CCDC74B: variants seen among roughly 807,000 people sequenced by gnomAD.
CCDC74B encodes coiled-coil domain containing 74B.
In CCDC74B, 34 loss-of-function variants were observed where a neutral mutation model predicts 38.0. That is an observed-to-expected ratio of 0.89 (90% CI 0.68 to 1.19). CCDC74B has a LOEUF of 1.19. CCDC74B is among the 50% of genes most tolerant of loss of function. The probability of loss-of-function intolerance (pLI) is 0.00; values close to 1 mark genes in which losing one functional copy is unlikely to be tolerated. For missense variants in CCDC74B, 358 were observed against 406.0 expected, an observed-to-expected ratio of 0.88 and a Z score of 1.02; for synonymous variants, 132 against 170.4, an observed-to-expected ratio of 0.77 and a Z score of 1.76.
Position 130,140,361 on chromosome 2 carries a change from C to T in CCDC74B, c.496G>A (p.Ala166Thr), listed in dbSNP as rs372914463. The change falls in exon 5 of 8, where the codon GCA becomes ACA. Residue 166 changes from alanine to threonine, a missense_variant. Coordinates refer to ENST00000409943, the MANE Select transcript of CCDC74B (RefSeq NM_001258307.2). Reference sequence around the variant, plus strand: ...GCAGCTCCTGCGTTAGAGGCCTCTGCTTTCTCCTTTCTGAAACAGTCATTG... The same window carrying T: ...GCAGCTCCTGCGTTAGAGGCCTCTGTTTTCTCCTTTCTGAAACAGTCATTG... ...GVQGQARKEK[A>T]EASNAGAACM... The T allele has an allele frequency of 1.3e-6, 2 of 1,576,104 alleles. No individual in the cohort carries two copies. Among genetic ancestry groups the T allele is most frequent in the East Asian group, 2.2e-5 (1 of 44,662 alleles).
At position 130,139,502 on chromosome 2, in the gene CCDC74B, G is replaced by C; in HGVS notation, c.*53C>G. 1 of 1,602,056 alleles carries C rather than the reference G, an allele frequency of 6.2e-7. No homozygotes were observed. The highest frequency in any genetic ancestry group is 8.5e-7 in the Non-Finnish European group (1 of 1,173,206). ...GAAGTGTCAGGAAATGCTATAGAGA[G>C]CCAATCTCCAGCTGCAGGTTGGTGG... On this transcript the variant is annotated 3_prime_UTR_variant, in exon 8 of 8. Transcript: ENST00000409943.
chr2:130,142,021 C>G (rs1172439539), intron 3 of CCDC74B, 112 bp downstream of exon 3: 24 of 1,380,674 alleles, frequency 1.7e-5, no homozygotes, highest in Non-Finnish European at 2.1e-5. Flanking sequence ...ATCCCCAAAT[C>G]CTGGAGCTTG....
rs144340913 is a variant in CCDC74B at position 130,141,191 on chromosome 2, A to G, written c.452T>C (p.Leu151Pro). Reference protein sequence around the residue: ...EEEPLLHNSKLDKVPGVQGQA... With the variant: ...EEEPLLHNSKPDKVPGVQGQA... ...CCCTTGTACCCCAGGAACCTTGTCC[A>G]GCTTGCTGTTGTGAAGTAGGGGCTC... The change falls in exon 4 of 8, where the codon CTG (leucine) becomes CCG (proline). Residue 151 changes from leucine to proline, a missense_variant. Leu to Pro is a moderately conservative substitution (Grantham distance 98, BLOSUM62 -3). Around this residue, in one of 3 missense-constraint regions of CCDC74B, gnomAD observed 213 missense variants for 212.3 expected, o/e 1.00. Coordinates refer to ENST00000409943, the MANE Select transcript of CCDC74B (RefSeq NM_001258307.2). 89 of 1,613,004 alleles carry G rather than the reference A, an allele frequency of 5.5e-5. No individual in the cohort carries two copies. The East Asian group carries it at 5.6e-4, about 10-fold the overall frequency.
At position 130,141,246 on chromosome 2, in the gene CCDC74B, C is replaced by A; in HGVS notation, c.397G>T (p.Asp133Tyr). 6.3e-7 allele frequency: 1 copy of A among 1,598,626 alleles called. No individual in the cohort carries two copies. The highest frequency in any genetic ancestry group is 8.6e-7 in the Non-Finnish European group (1 of 1,167,138). Reference protein sequence around the residue: ...GSFNKQDSKADVPQKADLEEE... With the variant: ...GSFNKQDSKAYVPQKADLEEE... ...TCCAGGTCCGCCTTCTGGGGGACGTCAGCTTTTGAATCTTGCTTGTTGAAG... is the reference window on the plus strand; with the variant it reads ...TCCAGGTCCGCCTTCTGGGGGACGTAAGCTTTTGAATCTTGCTTGTTGAAG... Residue 133 changes from aspartate to tyrosine, a missense_variant, in exon 4 of 8, where the codon GAC becomes TAC. Asp to Tyr is a radical substitution (Grantham distance 160). Around this residue, in one of 3 missense-constraint regions of CCDC74B, gnomAD observed 17 missense variants for 47.1 expected, o/e 0.36. Coordinates refer to ENST00000409943, the MANE Select transcript of CCDC74B (RefSeq NM_001258307.2).
intron 1 of CCDC74B, among the ~76,000 whole-genome samples, chr2:130,144,009 C>T (rs1183840456): frequency 1.5e-5 from 2 of 129,228 alleles, no homozygotes; most frequent in Admixed American, 9.1e-5. Context: ...ACAGCATGGG[C>T]ACAGGCGAAG....
rs769581314 is a variant in CCDC74B at position 130,142,892 on chromosome 2, C to T, written c.295+377G>A. The T allele has an allele frequency of 4.5e-6, 7 of 1,550,426 alleles. No individual in the cohort carries two copies. In the East Asian group the frequency reaches 1.7e-4, roughly 38 times the overall value. On this transcript the variant is annotated intron_variant, in intron 2 of 7. Coordinates refer to ENST00000409943, the MANE Select transcript of CCDC74B (RefSeq NM_001258307.2). ...GCCCCCAGCATGTCAGGACTCAGAG[C>T]CATAGGGCTGGAGATCCTGGGCCTG...
chr2:130,143,423 C>G lies in CCDC74B; in HGVS notation c.251-110G>C, dbSNP rs74499270. ...GCTGAGCCCGAAAGTCCTGCCCCCC[C>G]ACTGGCTGATTGGGCCCTGCCCCAT... On this transcript the variant is annotated intron_variant, in intron 1 of 7. Coordinates refer to ENST00000409943, the MANE Select transcript of CCDC74B (RefSeq NM_001258307.2). 5.6e-5 allele frequency: 79 copies of G among 1,423,214 alleles called. No individual in the cohort carries two copies. In the African/African-American group the frequency reaches 9.4e-4, roughly 17 times the overall value. The allele number at this position is 1,423,214 out of a possible 1,614,324, so 88.2% of individuals were successfully genotyped here.
chr2:130,143,259 C>G lies in CCDC74B; in HGVS notation c.295+10G>C. The G allele has an allele frequency of 6.2e-7, 1 of 1,613,386 alleles. No homozygotes were observed. The highest frequency in any genetic ancestry group is 8.5e-7 in the Non-Finnish European group (1 of 1,179,452). On this transcript the variant is annotated intron_variant, in intron 2 of 7. Coordinates refer to ENST00000409943, the MANE Select transcript of CCDC74B (RefSeq NM_001258307.2). ...GCATCCCATCAGGAACTGAAGGGCC[C>G]AGTTCTCACCTTTCTTCTGTGATGT...
intron 1 of CCDC74B, among the ~76,000 whole-genome samples, chr2:130,144,181 C>T (rs933842971): frequency 6.6e-6 from 1 of 152,152 alleles, no homozygotes; most frequent in Non-Finnish European, 1.5e-5. Context: ...GCTCTGTCAC[C>T]GAGGCTGGAG....
At chr2:130,141,581 C>T (rs561395871) in intron 3 of CCDC74B, 20 of 510,006 alleles carry the variant, frequency 3.9e-5, no homozygotes, top group South Asian at 3.7e-4. Context: ...AGGCTTGGGA[C>T]CCAGCCTGCA....
chr2:130,141,171 G>T lies in CCDC74B; in HGVS notation c.472C>A (p.Gln158Lys). 4 of 1,612,896 alleles carry T rather than the reference G, an allele frequency of 2.5e-6. No individual in the cohort carries two copies. The African/African-American group carries it at 4.0e-5, about 16-fold the overall frequency. ...CCCAAGCCTTACCTGGCCTGCCCTT[G>T]TACCCCAGGAACCTTGTCCAGCTTG... ...NSKLDKVPGV[Q>K]GQARKEKAEA... The change falls in exon 4 of 8, where the codon CAA becomes AAA. Residue 158 changes from glutamine to lysine, a missense_variant. Around this residue, in one of 3 missense-constraint regions of CCDC74B, gnomAD observed 213 missense variants for 212.3 expected, o/e 1.00. Coordinates refer to ENST00000409943, the MANE Select transcript of CCDC74B (RefSeq NM_001258307.2).
chr2:130,139,989 C>G lies in CCDC74B; in HGVS notation c.752+34G>C, dbSNP rs1685491617. 4 of 1,600,666 alleles carry G rather than the reference C, an allele frequency of 2.5e-6. No individual in the cohort carries two copies. In the South Asian group the frequency reaches 4.5e-5, roughly 18 times the overall value. ...TCAGCAGTGAGCTGTGGATAGGCCC[C>G]CAGGGATGGGGCAGGGGTGCACCAG... On this transcript the variant is annotated intron_variant, in intron 6 of 7. Coordinates refer to ENST00000409943, the MANE Select transcript of CCDC74B (RefSeq NM_001258307.2).
chr2:130,141,825 G>C (rs1225274265), intron 3 of CCDC74B: 11 of 546,700 alleles, frequency 2.0e-5, no homozygotes, highest in Non-Finnish European at 3.5e-5. Flanking sequence ...GGCTGCTGCT[G>C]GGCAGCCAGG....
rs1685545399 is a variant in CCDC74B at position 130,140,576 on chromosome 2, G to T, written c.486-205C>A. The T allele has an allele frequency of 4.3e-5, 25 of 579,320 alleles. 1 individual carries two copies. In the South Asian group the frequency reaches 6.3e-4, roughly 15 times the overall value. 35.9% of individuals were successfully genotyped at this position (579,320 alleles called of 1,614,324 possible). A position where few individuals can be genotyped will look rare whatever the true frequency, so the allele number is the denominator to read the frequency against. On this transcript the variant is annotated intron_variant, in intron 4 of 7. Coordinates refer to ENST00000409943, the MANE Select transcript of CCDC74B (RefSeq NM_001258307.2). ...TTCTCCCCTCTGAAGGTGCCCTAAGGGTCAGATGGGCTTCAGTGGGTGACC... is the reference window on the plus strand; with the variant it reads ...TTCTCCCCTCTGAAGGTGCCCTAAGTGTCAGATGGGCTTCAGTGGGTGACC...
chr2:130,142,354 C>T (rs775950124), intron 2 of CCDC74B, 171 bp from the exon 3 acceptor site: 1 of 1,613,084 alleles, frequency 6.2e-7, no homozygotes, highest in Non-Finnish European at 8.5e-7. Context: ...AGCAGAGGCC[C>T]TGGAAAGGTG....
intron 4 of CCDC74B, 87 bp downstream of exon 4, chr2:130,141,071 G>A: frequency 6.3e-7 from 1 of 1,596,670 alleles, no homozygotes; most frequent in Non-Finnish European, 8.5e-7. Context: ...CAGGGCGTGA[G>A]CCTAGTAAAT....
intron 3 of CCDC74B, 191 bp downstream of exon 3, chr2:130,141,942 T>C: frequency 1.1e-6 from 1 of 877,230 alleles, no homozygotes; most frequent in Non-Finnish European, 1.7e-6. Flanking sequence ...TGGTCCCTGG[T>C]CCTGCCCACC....
chr2:130,143,109 C>T, intron 2 of CCDC74B, 160 bp downstream of exon 2: 3 of 1,497,986 alleles, frequency 2.0e-6, no homozygotes, highest in Non-Finnish European at 2.7e-6. Flanking sequence ...CATCATCCAG[C>T]CACGGCTAGA....
In CCDC74B at chr2:130,139,588, C is replaced by T. The variant is rs1281906423; in HGVS notation, c.912G>A (p.Met304Ile). The T allele has an allele frequency of 5.0e-6, 8 of 1,613,402 alleles. No individual in the cohort carries two copies. The highest frequency in any genetic ancestry group is 6.8e-6 in the Non-Finnish European group (8 of 1,179,990). ...FAERQKRLQA[M>I]QKRRLHRSVL ...CCGAGCGATGCAGGCGCCGTTTCTG[C>T]ATTGCCTGCAGCCTCTTCTGCCTCT... The change falls in exon 8 of 8, where the codon ATG becomes ATA. Residue 304 changes from methionine to isoleucine, a missense_variant. Around this residue, in one of 3 missense-constraint regions of CCDC74B, gnomAD observed 213 missense variants for 212.3 expected, o/e 1.00. Transcript: ENST00000409943.
Sources: allele counts gnomAD v4.1 joint callset (sites outside exome capture counted in the v4.1 genomes callset), GRCh38; gene constraint gnomAD v4.1.1; regional missense constraint gnomAD v4.1.1; transcripts MANE v1.5; gene names NCBI Gene and HGNC (gene_info 2026-07-23, HGNC 2026-07-21).